Variants in BRCA2 observed in about 807,000 individuals in gnomAD.
The protein encoded by BRCA2 is breast cancer type 2 susceptibility protein.
Under a neutral mutation model 276.7 loss-of-function variants are expected in BRCA2, and 203 were observed. The ratio of observed to expected loss-of-function variants is 0.73; its 90% confidence interval spans 0.65 to 0.82. BRCA2 has a LOEUF of 0.82. Ranked by LOEUF, BRCA2 falls within the 40% of genes least tolerant of loss-of-function variation. The probability of loss-of-function intolerance (pLI) is 0.00; values close to 1 mark genes in which losing one functional copy is unlikely to be tolerated. For synonymous variants in BRCA2, 1,289 were observed against 1,338.4 expected, an observed-to-expected ratio of 0.96 and a Z score of 0.81; for missense variants, 3,920 against 3,915.0, an observed-to-expected ratio of 1.00 and a Z score of -0.03.
chr13:32,392,461 A>C (rs1400100967), intron 24 of BRCA2, among the ~76,000 whole-genome samples: 2 of 152,120 alleles, frequency 1.3e-5, no homozygotes, highest in Non-Finnish European at 2.9e-5. Flanking sequence ...CAAAGCAGGC[A>C]GATCACTTGA....
Position 32,339,338 on chromosome 13 carries a change from T to C in BRCA2, c.4983T>C (p.Tyr1661=), listed in dbSNP as rs1060499833. Residue 1661 remains tyrosine, a synonymous_variant, in exon 11 of 27, where the codon TAT becomes TAC. Coordinates refer to ENST00000380152, the MANE Select transcript of BRCA2 (RefSeq NM_000059.4). ...PATCYTNQSP[Y]SVIENSALAF... Reference sequence around the variant, plus strand: ...CTTGTTACACAAATCAGTCCCCTTATTCAGTCATTGAAAATTCAGCCTTAG... The same window carrying C: ...CTTGTTACACAAATCAGTCCCCTTACTCAGTCATTGAAAATTCAGCCTTAG... 1 of 1,592,760 alleles carries C rather than the reference T, an allele frequency of 6.3e-7. No individual in the cohort carries two copies. The highest frequency in any genetic ancestry group is 8.5e-7 in the Non-Finnish European group (1 of 1,171,228).
In BRCA2 at chr13:32,363,509, A is replaced by G. The variant is rs1351192625; in HGVS notation, c.8307A>G (p.Glu2769=). The change falls in exon 18 of 27, where the codon GAA becomes GAG. Residue 2769 remains glutamate (E), a synonymous_variant. Coordinates refer to ENST00000380152, the MANE Select transcript of BRCA2 (RefSeq NM_000059.4). ...CTCCTGATGCCTGTACACCTCTTGA[A>G]GCCCCAGAATCTCTTATGTTAAAGG... The part of the protein sequence containing the change: ...VGSPDACTPL[E]APESLMLKIS... 1 of 1,613,900 alleles carries G rather than the reference A, an allele frequency of 6.2e-7. No individual in the cohort carries two copies. Among genetic ancestry groups the G allele is most frequent in the Non-Finnish European group, 8.5e-7 (1 of 1,179,826 alleles).
intron 3 of BRCA2, 82 bp from the exon 4 acceptor site, chr13:32,324,992 CTT>C (rs1231293762): frequency 5.1e-6 from 5 of 971,456 alleles, no homozygotes; most frequent in Admixed American, 2.0e-5. Flanking sequence ...ATAGAGGAGA[CTT>C]TTTGTTTTTA....
chr13:32,332,850 C>T lies in BRCA2; in HGVS notation c.1372C>T (p.Pro458Ser), dbSNP rs1415796889. ...RISSLPKSEK[P>S]LNEETVVNKR... ...TTCTAGCCTACCAAAATCAGAGAAG[C>T]CATTAAATGAGGAAACAGTGGTAAA... Residue 458 changes from proline (P) to serine (S), a missense_variant, in exon 10 of 27, where the codon CCA (proline) becomes TCA (serine). Physicochemically the swap from Pro to Ser is moderately conservative, Grantham distance 74. Coordinates refer to ENST00000380152, the MANE Select transcript of BRCA2 (RefSeq NM_000059.4). 6.2e-7 allele frequency: 1 copy of T among 1,611,498 alleles called. No homozygotes were observed. Among genetic ancestry groups the T allele is most frequent in the African/African-American group, 1.3e-5 (1 of 74,728 alleles).
intron 8 of BRCA2, 44 bp downstream of exon 8, chr13:32,329,536 AT>A: frequency 7.1e-7 from 1 of 1,413,810 alleles, no homozygotes; most frequent in Non-Finnish European, 1.0e-6. Context: ...ATTGCTAACA[AT>A]TTTGGAATGC....
At chr13:32,376,893 T>C (rs2072877672) in intron 21 of BRCA2, 102 bp downstream of exon 21, 3 of 1,492,358 alleles carry the variant, frequency 2.0e-6, no homozygotes, top group Non-Finnish European at 9.1e-7. Flanking sequence ...GTTGAAATGC[T>C]GCATTTCTCA....
chr13:32,371,494 G>C (rs2072834145), intron 20 of BRCA2, among the ~76,000 whole-genome samples: 1 of 151,796 alleles, frequency 6.6e-6, no homozygotes, highest in Non-Finnish European at 1.5e-5. Context: ...TTTTGTTGTT[G>C]CTGAAGATTT....
At chr13:32,324,617 C>T (rs978129268) in intron 3 of BRCA2, among the ~76,000 whole-genome samples, 1 of 152,036 alleles carries the variant, frequency 6.6e-6, no homozygotes, top group Non-Finnish European at 1.5e-5. Flanking sequence ...AAATGTCTTC[C>T]CTTACTCCTT....
chr13:32,398,203 A>T lies in BRCA2; in HGVS notation c.9690A>T (p.Leu3230Phe), dbSNP rs80359238. ...PNCEIYYQSP[L>F]SLCMAKRKSV... ...GTGAGATATATTATCAAAGTCCTTTATCACTTTGTATGGCCAAAAGGAAGT... is the reference window on the plus strand; with the variant it reads ...GTGAGATATATTATCAAAGTCCTTTTTCACTTTGTATGGCCAAAAGGAAGT... Residue 3230 changes from leucine to phenylalanine, a missense_variant, in exon 27 of 27, where the codon TTA becomes TTT. By Grantham distance (22) the Leu-to-Phe change is conservative (BLOSUM62 0). Coordinates refer to ENST00000380152, the MANE Select transcript of BRCA2 (RefSeq NM_000059.4). The T allele has an allele frequency of 3.1e-6, 5 of 1,612,310 alleles. No individual in the cohort carries two copies. The East Asian group carries it at 1.1e-4, about 36-fold the overall frequency.
chr13:32,365,113 T>G (rs990819691), intron 18 of BRCA2, among the ~76,000 whole-genome samples: 9 of 83,202 alleles, frequency 1.1e-4, no homozygotes, highest in Non-Finnish European at 2.3e-4. Flanking sequence ...TGCATTCTTT[T>G]TTTTTTTTTT....
intron 24 of BRCA2, among the ~76,000 whole-genome samples, chr13:32,380,554 TC>T (rs71071034): frequency 3.9e-4 from 57 of 146,722 alleles, no homozygotes; most frequent in African/African-American, 1.4e-3. Context: ...TTTTTTTTTT[TC>T]CCCGAGATGG....
At chr13:32,331,062 T>C in intron 9 of BRCA2, 32 bp downstream of exon 9, 1 of 1,497,690 alleles carries the variant, frequency 6.7e-7, no homozygotes, top group South Asian at 1.2e-5. Flanking sequence ...ACTACAGGTT[T>C]TTTTGTTGTT....
chr13:32,332,255 G>A lies in BRCA2; in HGVS notation c.794-17G>A, dbSNP rs750013303. ...GCTTATAAAATATTAATGTGCTTCT[G>A]TTTTATACTTTAACAGGATTTGGAA... is the stretch of plus-strand genomic sequence containing the variant. On this transcript the variant is annotated splice_polypyrimidine_tract_variant and intron_variant, in intron 9 of 26. Coordinates refer to ENST00000380152, the MANE Select transcript of BRCA2 (RefSeq NM_000059.4). 3.0e-5 allele frequency: 48 copies of A among 1,577,950 alleles called. No homozygotes were observed. The South Asian group carries it at 5.1e-4, about 17-fold the overall frequency.
rs1566226803 is a variant in BRCA2 at position 32,336,831 on chromosome 13, G to T, written c.2476G>T (p.Glu826Ter). ...EKNQDVCALN[E>*]NYKNVELLPP... The stretch of plus-strand genomic sequence containing the variant: ...GAATCAAGATGTATGTGCTTTAAAT[G>T]AAAATTATAAAAACGTTGAGCTGTT... Residue 826 changes from glutamate (E) to a stop codon, truncating the protein, a stop_gained, in exon 11 of 27, where the codon GAA (glutamate) becomes TAA (stop). Coordinates refer to ENST00000380152, the MANE Select transcript of BRCA2 (RefSeq NM_000059.4). LOFTEE classifies it high-confidence loss of function. The T allele has an allele frequency of 6.2e-7, 1 of 1,602,716 alleles. No homozygotes were observed.
chr13:32,351,445 A>G (rs2072650301), intron 13 of BRCA2, among the ~76,000 whole-genome samples: 1 of 152,238 alleles, frequency 6.6e-6, no homozygotes. Flanking sequence ...CACTATCTTT[A>G]AGAACTGTAA....
At chr13:32,359,240 AAAAG>A (rs2072722756) in intron 16 of BRCA2, among the ~76,000 whole-genome samples, 1 of 151,418 alleles carries the variant, frequency 6.6e-6, no homozygotes, top group Non-Finnish European at 1.5e-5. Context: ...AAAAAAAAAA[AAAAG>A]AAAGTTAAAT....
chr13:32,368,001 C>CT (rs71071031), intron 18 of BRCA2, among the ~76,000 whole-genome samples: 515 of 50,776 alleles, frequency 0.01, 141 homozygotes, highest in Non-Finnish European at 0.013. Flanking sequence ...TCTTCTAATT[C>CT]TTTTTTTTTT....
chr13:32,336,427 CAAA>C lies in BRCA2; in HGVS notation c.2074_2076del (p.Lys692del). On this transcript the variant is annotated inframe_deletion, in exon 11 of 27. Coordinates refer to ENST00000380152, the MANE Select transcript of BRCA2 (RefSeq NM_000059.4). ...TCTCAGGATCTTGATTATAAAGAAG[CAAA>C]ATGTAATAAGGAAAAACTACAGTTA... 6.2e-7 allele frequency: 1 copy of C among 1,613,646 alleles called. No individual in the cohort carries two copies. Among genetic ancestry groups the C allele is most frequent in the South Asian group, 1.1e-5 (1 of 91,012 alleles).
chr13:32,387,629 C>A lies in BRCA2; in HGVS notation c.9257-7060C>A, dbSNP rs1216133099. Reference sequence around the variant, plus strand: ...CGCAGTCATCCGGAGGCCTAAATCCCCTCCCTGTGGTGCTGTGCTTCAGTG... The same window carrying A: ...CGCAGTCATCCGGAGGCCTAAATCCACTCCCTGTGGTGCTGTGCTTCAGTG... On this transcript the variant is annotated intron_variant, in intron 24 of 26. Transcript: ENST00000380152. 2.6e-5 allele frequency among the ~76,000 whole-genome samples: 4 copies of A among 152,318 alleles called. No individual in the cohort carries two copies. The East Asian group carries it at 7.7e-4, about 29-fold the overall frequency.
Sources: allele counts gnomAD v4.1 joint callset (sites outside exome capture counted in the v4.1 genomes callset), GRCh38; gene constraint gnomAD v4.1.1; transcripts MANE v1.5; gene names NCBI Gene and HGNC (gene_info 2026-07-23, HGNC 2026-07-21).